ZNF445: variants seen among roughly 807,000 people sequenced by gnomAD.
The protein encoded by ZNF445 is zinc finger protein 445, also known as zinc finger protein 168.
In ZNF445, 19 loss-of-function variants were observed where a neutral mutation model predicts 93.9. The observed-to-expected ratio is 0.20, with a 90% CI of 0.14 to 0.30. ZNF445 has a LOEUF of 0.30. Among genes scored for constraint, ZNF445 ranks in the 10% least tolerant of loss-of-function variants. The pLI is 1.00. For missense variants in ZNF445, 1,058 were observed against 1,259.4 expected, an observed-to-expected ratio of 0.84 and a Z score of 2.42; for synonymous variants, 449 against 446.3, an observed-to-expected ratio of 1.01 and a Z score of -0.08.
intron 2 of ZNF445, among the ~76,000 whole-genome samples, chr3:44,457,205 G>A (rs1698040208): frequency 6.6e-6 from 1 of 152,132 alleles, no homozygotes; most frequent in Non-Finnish European, 1.5e-5. Context: ...CCTGGGGAAG[G>A]AGCTTGTGCT....
rs1297283261 is a variant in ZNF445 at position 44,448,722 on chromosome 3, T to C, written c.949A>G (p.Lys317Glu). The C allele has an allele frequency of 6.2e-7, 1 of 1,612,642 alleles. No homozygotes were observed. The highest frequency in any genetic ancestry group is 1.1e-5 in the South Asian group (1 of 90,726). Residue 317 changes from lysine to glutamate, a missense_variant, in exon 8 of 8, where the codon AAA becomes GAA. By Grantham distance (56) the Lys-to-Glu change is moderately conservative (BLOSUM62 1). This residue lies in a region of ZNF445 where 657 missense variants were observed against 746.4 expected (regional missense o/e 0.88). Coordinates refer to ENST00000396077, the MANE Select transcript of ZNF445 (RefSeq NM_181489.6). The part of the protein sequence containing the change: ...AAPTGDDLQS[K>E]TNKFILNQEP... ...TGATTTAAGATGAATTTGTTTGTTT[T>C]ACTCTGGAGGTCATCTCCTGACAAA...
intron 1 of ZNF445, among the ~76,000 whole-genome samples, chr3:44,462,334 C>T (rs74912418): frequency 6.6e-6 from 1 of 152,162 alleles, no homozygotes; most frequent in East Asian, 1.9e-4. Context: ...TTGGTTTCCG[C>T]CATCCAGAGG....
At chr3:44,462,496 C>T (rs1698130479) in intron 1 of ZNF445, among the ~76,000 whole-genome samples, 2 of 152,150 alleles carry the variant, frequency 1.3e-5, no homozygotes, top group Non-Finnish European at 2.9e-5. Flanking sequence ...TAAGGCTTTG[C>T]TTTTCGACAA....
intron 6 of ZNF445, chr3:44,450,114 T>C: frequency 3.0e-6 from 1 of 333,322 alleles, no homozygotes; most frequent in Non-Finnish European, 5.7e-6. Context: ...TATTTTTGTA[T>C]TTTTTGTAGA....
intron 1 of ZNF445, among the ~76,000 whole-genome samples, chr3:44,462,010 T>G (rs1663318381): frequency 6.6e-6 from 1 of 152,136 alleles, no homozygotes; most frequent in Non-Finnish European, 1.5e-5. Context: ...TCTCTCTCTC[T>G]CTCTCTGTCT....
At position 44,440,079 on chromosome 3, in the gene ZNF445, G is replaced by C. The variant is rs1365907250; in HGVS notation, c.*6496C>G. 3 of 152,186 alleles carry C rather than the reference G, an allele frequency of 2.0e-5. No individual in the cohort carries two copies. In the East Asian group the frequency reaches 5.8e-4, roughly 29 times the overall value. 9.4% of individuals were successfully genotyped at this position (152,186 alleles called of 1,614,324 possible). Reference sequence around the variant, plus strand: ...ACTCTATTCTAGCTCCCCCAGTCCTGGGGTGGCAGCTGCTTAGCAGTTGCT... The same window carrying C: ...ACTCTATTCTAGCTCCCCCAGTCCTCGGGTGGCAGCTGCTTAGCAGTTGCT... On this transcript the variant is annotated 3_prime_UTR_variant, in exon 8 of 8. Coordinates refer to ENST00000396077, the MANE Select transcript of ZNF445 (RefSeq NM_181489.6).
In ZNF445 at chr3:44,466,028, G is replaced by A. The variant is rs1317852878; in HGVS notation, c.-268-7664C>T. ...CTTTTGAAGATGATTTTTAATTAAT[G>A]TTAAAAGATAATAAAAGGGTCTTGT... On this transcript the variant is annotated intron_variant, in intron 1 of 7. Transcript: ENST00000396077. Among the ~76,000 whole-genome samples, 5 of 152,308 alleles carry A rather than the reference G, an allele frequency of 3.3e-5. No homozygotes were observed. The East Asian group carries it at 9.6e-4, about 29-fold the overall frequency.
In ZNF445 at chr3:44,432,464, T is replaced by C. The variant is rs563025356; in HGVS notation, c.*14111A>G. 1.3e-5 allele frequency: 2 copies of C among 152,268 alleles called. No individual in the cohort carries two copies. The highest frequency in any genetic ancestry group is 2.9e-5 in the Non-Finnish European group (2 of 68,048). The allele number at this position is 152,268 out of a possible 1,614,324, so 9.4% of individuals were successfully genotyped here. The stretch of plus-strand genomic sequence containing the variant: ...AGTGAGAGCCCAGTGGCACCTGCTG[T>C]GGAGCAGGATTAGTAGATGGTGTGC... On this transcript the variant is annotated 3_prime_UTR_variant, in exon 8 of 8. Transcript: ENST00000396077.
chr3:44,474,407 G>A (rs983619684), intron 1 of ZNF445, among the ~76,000 whole-genome samples: 2 of 151,974 alleles, frequency 1.3e-5, no homozygotes, highest in Admixed American at 6.5e-5. Flanking sequence ...CCAGCTACTC[G>A]AGAGGCTGAG....
intron 1 of ZNF445, among the ~76,000 whole-genome samples, chr3:44,461,857 C>T (rs9856091): frequency 0.012 from 1,853 of 152,108 alleles, 35 homozygotes; most frequent in African/African-American, 0.043. Context: ...TCTTGTAAAG[C>T]GGCTTGAACC....
In ZNF445 at chr3:44,447,234, A is replaced by G. The variant is rs776670435; in HGVS notation, c.2437T>C (p.Ser813Pro). 6.2e-7 allele frequency: 1 copy of G among 1,614,112 alleles called. No homozygotes were observed. Among genetic ancestry groups the G allele is most frequent in the South Asian group, 1.1e-5 (1 of 91,086 alleles). Residue 813 changes from serine to proline, a missense_variant, in exon 8 of 8, where the codon TCT (serine) becomes CCT (proline). By Grantham distance (74) the Ser-to-Pro change is moderately conservative. Transcript: ENST00000396077. The surrounding 1 kb of genome is among the most constrained non-coding windows in gnomAD (Gnocchi z 4.7). ...SNLYRHQRIH[S>P]LQKQYDCHES... is the part of the protein sequence containing the mutation. ...TGGCAATCATACTGTTTTTGAAGAG[A>G]GTGAATCCTCTGATGTCGGTAGAGA...
chr3:44,449,551 G>A lies in ZNF445; in HGVS notation c.893C>T (p.Ala298Val), dbSNP rs1697929438. The change falls in exon 7 of 8, where the codon GCA (alanine) becomes GTA (valine). Residue 298 changes from alanine (A) to valine (V), a missense_variant. Ala to Val is a moderately conservative substitution (Grantham distance 64). Coordinates refer to ENST00000396077, the MANE Select transcript of ZNF445 (RefSeq NM_181489.6). The part of the protein sequence containing the change: ...AREPWGLNMQ[A>V]AQPKGNPVAA... The stretch of plus-strand genomic sequence containing the variant: ...AACTGGATTCCCCTTAGGCTGAGCT[G>A]CCTGCATGTTCAGGCCCCATGGCTC... The A allele has an allele frequency of 1.2e-6, 2 of 1,614,196 alleles. No homozygotes were observed. Among genetic ancestry groups the A allele is most frequent in the East Asian group, 2.2e-5 (1 of 44,870 alleles).
intron 2 of ZNF445, among the ~76,000 whole-genome samples, chr3:44,456,902 C>T (rs529913484): frequency 1.3e-5 from 2 of 152,018 alleles, no homozygotes; most frequent in African/African-American, 2.4e-5. Flanking sequence ...CCGAAGTGGG[C>T]GGACTGCTTG....
rs34880145 is a variant in ZNF445, at chr3:44,434,250, CA to C, written c.*12324del. 36,301 of 133,016 alleles carry C rather than the reference CA, an allele frequency of 0.27. 5,090 individuals carry two copies. The highest frequency in any genetic ancestry group is 0.32 in the Non-Finnish European group (20,381 of 63,168). The allele number at this position is 133,016 out of a possible 1,614,324, so 8.2% of individuals were successfully genotyped here. On this transcript the variant is annotated 3_prime_UTR_variant, in exon 8 of 8. Coordinates refer to ENST00000396077, the MANE Select transcript of ZNF445 (RefSeq NM_181489.6). ...TAACATGGTGAAACCCTGCCTTTAC[CA>C]AAAAAAAAAAAAAAAAAATTAGCCG... is the stretch of plus-strand genomic sequence containing the variant.
Position 44,448,131 on chromosome 3 carries a change from T to C in ZNF445, c.1540A>G (p.Lys514Glu). 1.2e-6 allele frequency: 2 copies of C among 1,614,160 alleles called. No individual in the cohort carries two copies. The highest frequency in any genetic ancestry group is 1.7e-6 in the Non-Finnish European group (2 of 1,180,044). The change falls in exon 8 of 8, where the codon AAA becomes GAA. Residue 514 changes from lysine (K) to glutamate (E), a missense_variant. Physicochemically the swap from Lys to Glu is moderately conservative, Grantham distance 56 (BLOSUM62 1). Coordinates refer to ENST00000396077, the MANE Select transcript of ZNF445 (RefSeq NM_181489.6). ...QRLHTQEKAF[K>E]CRVCGKAFRW... ...AAGGCTTTCCCACACACCCTACATT[T>C]AAATGCTTTCTCTTGAGTGTGAAGT... is the stretch of plus-strand genomic sequence containing the variant.
chr3:44,473,019 C>T (rs28484859), intron 1 of ZNF445, among the ~76,000 whole-genome samples: 1 of 152,242 alleles, frequency 6.6e-6, no homozygotes, highest in East Asian at 1.9e-4. Context: ...GTTTCTTCAC[C>T]TCATGGCCAA....
At chr3:44,465,495 A>AG (rs1238032065) in intron 1 of ZNF445, among the ~76,000 whole-genome samples, 1 of 152,270 alleles carries the variant, frequency 6.6e-6, no homozygotes, top group Non-Finnish European at 1.5e-5. Flanking sequence ...TCCGAATAAC[A>AG]GGGTTTTCTT....
intron 1 of ZNF445, among the ~76,000 whole-genome samples, chr3:44,472,886 T>TC (rs1010859676): frequency 2.6e-5 from 4 of 152,098 alleles, no homozygotes; most frequent in African/African-American, 9.7e-5. Context: ...CTCAGGACTC[T>TC]CCCCCCAGAG....
chr3:44,441,161 C>T lies in ZNF445; in HGVS notation c.*5414G>A, dbSNP rs1697805702. The T allele has an allele frequency of 6.6e-6, 1 of 152,240 alleles. No homozygotes were observed. The highest frequency in any genetic ancestry group is 2.4e-5 in the African/African-American group (1 of 41,444). 9.4% of individuals were successfully genotyped at this position (152,240 alleles called of 1,614,324 possible). A position where few individuals can be genotyped will look rare whatever the true frequency, so the allele number is the denominator to read the frequency against. ...ATCTCCTGACCTCATAATCCGCCCG[C>T]CTTGGCCTCCCAAAGTGCTGGGATT... On this transcript the variant is annotated 3_prime_UTR_variant, in exon 8 of 8. Coordinates refer to ENST00000396077, the MANE Select transcript of ZNF445 (RefSeq NM_181489.6).
Sources: allele counts gnomAD v4.1 joint callset (sites outside exome capture counted in the v4.1 genomes callset), GRCh38; gene constraint gnomAD v4.1.1; regional missense constraint gnomAD v4.1.1; non-coding constraint Gnocchi (gnomAD v3.1); transcripts MANE v1.5; gene names NCBI Gene and HGNC (gene_info 2026-07-23, HGNC 2026-07-21).